The following ANO5 variants were observed in gnomAD, a reference collection of about 807,000 sequenced individuals.
ANO5 encodes the protein anoctamin 5.
In ANO5, 109 loss-of-function variants were observed where a neutral mutation model predicts 121.0. That is an observed-to-expected ratio of 0.90 (90% CI 0.77 to 1.06). The LOEUF (loss-of-function observed/expected upper bound fraction) is 1.06, where lower values mean the gene tolerates loss of function less well. Among genes scored for constraint, ANO5 ranks in the 50% least tolerant of loss-of-function variants. ANO5 has a pLI of 0.00. For missense variants in ANO5, 1,064 were observed against 1,078.5 expected, an observed-to-expected ratio of 0.99 and a Z score of 0.19; for synonymous variants, 406 against 359.9, an observed-to-expected ratio of 1.13 and a Z score of -1.45.
At chr11:22,256,890 T>A (rs1044351041) in intron 13 of ANO5, among the ~76,000 whole-genome samples, 2 of 152,162 alleles carry the variant, frequency 1.3e-5, no homozygotes, top group Non-Finnish European at 2.9e-5. Context: ...GGTGCACACA[T>A]GAACACACAT....
At chr11:22,241,443 G>A (rs927161142) in intron 9 of ANO5, among the ~76,000 whole-genome samples, 2 of 151,918 alleles carry the variant, frequency 1.3e-5, no homozygotes, top group Non-Finnish European at 2.9e-5. Flanking sequence ...TGGCAGCTCT[G>A]TTTTAAGTTC....
At chr11:22,212,157 AC>A (rs1322921109) in intron 3 of ANO5, among the ~76,000 whole-genome samples, 1 of 151,904 alleles carries the variant, frequency 6.6e-6, no homozygotes, top group Non-Finnish European at 1.5e-5. Flanking sequence ...AAAATATTTT[AC>A]CACGAGAACA....
intron 1 of ANO5, among the ~76,000 whole-genome samples, chr11:22,197,639 G>A (rs775555310): frequency 6.6e-6 from 1 of 152,186 alleles, no homozygotes; most frequent in African/African-American, 2.4e-5. Flanking sequence ...GCTAGTAAGA[G>A]TGTAAACTGA....
intron 12 of ANO5, among the ~76,000 whole-genome samples, chr11:22,253,927 T>C (rs916758074): frequency 1.3e-5 from 2 of 152,180 alleles, no homozygotes; most frequent in Non-Finnish European, 2.9e-5. Flanking sequence ...TACTAATCAA[T>C]AAGCATACTT....
chr11:22,206,209 T>C (rs925131644), intron 2 of ANO5, among the ~76,000 whole-genome samples: 1 of 152,094 alleles, frequency 6.6e-6, no homozygotes, highest in Non-Finnish European at 1.5e-5. Flanking sequence ...TGTACATAGA[T>C]ACAAAAATCC....
chr11:22,217,160 T>C (rs1172557577), intron 3 of ANO5, among the ~76,000 whole-genome samples: 1 of 152,028 alleles, frequency 6.6e-6, no homozygotes, highest in Non-Finnish European at 1.5e-5. Flanking sequence ...AGTCACCAGT[T>C]GCTTAGACTT....
At chr11:22,250,465 T>C in intron 10 of ANO5, 94 bp downstream of exon 10, 6 of 1,523,124 alleles carry the variant, frequency 3.9e-6, no homozygotes, top group Non-Finnish European at 3.6e-6. Flanking sequence ...TCCTTCAGAA[T>C]GTTTCCTTAT....
In ANO5 at chr11:22,283,001, A is replaced by C. The variant is rs1855134307; in HGVS notation, c.*3236A>C. Reference sequence around the variant, plus strand: ...TACTGTGTTATTCTTTTTCTAGACAAATTTTGACTCTTCTACTTTTATGTG... The same window carrying C: ...TACTGTGTTATTCTTTTTCTAGACACATTTTGACTCTTCTACTTTTATGTG... On this transcript the variant is annotated 3_prime_UTR_variant, in exon 22 of 22. Coordinates refer to ENST00000324559, the MANE Select transcript of ANO5 (RefSeq NM_213599.3). 6.6e-6 allele frequency: 1 copy of C among 152,216 alleles called. No homozygotes were observed. The highest frequency in any genetic ancestry group is 1.5e-5 in the Non-Finnish European group (1 of 68,034). 9.4% of individuals were successfully genotyped at this position (152,216 alleles called of 1,614,324 possible). A position where few individuals can be genotyped will look rare whatever the true frequency, so the allele number is the denominator to read the frequency against.
intron 8 of ANO5, among the ~76,000 whole-genome samples, chr11:22,236,669 A>G (rs563567856): frequency 1.3e-5 from 2 of 152,314 alleles, no homozygotes; most frequent in South Asian, 4.1e-4. Context: ...TCACATATTC[A>G]TTCATCAAAT....
chr11:22,197,547 G>A (rs1022926319), intron 1 of ANO5, among the ~76,000 whole-genome samples: 19 of 152,104 alleles, frequency 1.2e-4, no homozygotes, highest in East Asian at 1.9e-4. Flanking sequence ...GCATCTTTAC[G>A]GCTATGTTAA....
At chr11:22,199,916 T>C (rs972220878) in intron 1 of ANO5, among the ~76,000 whole-genome samples, 7 of 152,140 alleles carry the variant, frequency 4.6e-5, no homozygotes, top group Middle Eastern at 3.2e-3. Context: ...TAATGTAGAA[T>C]TTGAAACCAT....
intron 3 of ANO5, among the ~76,000 whole-genome samples, chr11:22,216,247 T>C (rs1479303473): frequency 6.6e-6 from 1 of 151,880 alleles, no homozygotes; most frequent in Non-Finnish European, 1.5e-5. Flanking sequence ...AGGTGTAACT[T>C]TATGTAAAAC....
At chr11:22,273,472 G>A (rs578221292) in intron 19 of ANO5, among the ~76,000 whole-genome samples, 1 of 152,162 alleles carries the variant, frequency 6.6e-6, no homozygotes, top group African/African-American at 2.4e-5. Flanking sequence ...ACACTTTTAA[G>A]TAGGCATCCT....
intron 9 of ANO5, among the ~76,000 whole-genome samples, chr11:22,240,790 T>G (rs1317172508): frequency 7.8e-6 from 1 of 128,026 alleles, no homozygotes. Flanking sequence ...TTTGTGTTCC[T>G]GCATAAAAAA....
Position 22,257,665 on chromosome 11 carries a change from T to G in ANO5, c.1333-15T>G. ...GGAGATTTTGAATTTCTTTGTGATT[T>G]CTTCAATATTACAGGAGATGGAACC... On this transcript the variant is annotated splice_polypyrimidine_tract_variant and intron_variant, in intron 13 of 21. Transcript: ENST00000324559. 9 of 1,594,186 alleles carry G rather than the reference T, an allele frequency of 5.6e-6. No homozygotes were observed. The highest frequency in any genetic ancestry group is 7.7e-6 in the Non-Finnish European group (9 of 1,162,184).
chr11:22,243,504 T>C (rs1461122923), intron 9 of ANO5, among the ~76,000 whole-genome samples: 1 of 152,004 alleles, frequency 6.6e-6, no homozygotes, highest in Non-Finnish European at 1.5e-5. Context: ...AAGTTCTTCT[T>C]TGTATTTCTA....
chr11:22,246,052 T>C (rs1853604735), intron 9 of ANO5, among the ~76,000 whole-genome samples: 3 of 152,168 alleles, frequency 2.0e-5, no homozygotes, highest in Admixed American at 2.0e-4. Context: ...CTGCGCAGCC[T>C]ATTTCTTTCA....
rs867267676 is a variant in ANO5, at chr11:22,227,404, A to G, written c.466A>G (p.Ser156Gly). The G allele has an allele frequency of 6.2e-7, 1 of 1,613,468 alleles. No individual in the cohort carries two copies. Among genetic ancestry groups the G allele is most frequent in the Middle Eastern group, 1.7e-4 (1 of 6,058 alleles). ...GGGAATCAAAATGCCTATTAAGGAGAGTGATATTCCCCGCCCTAAGCACAC... is the reference window on the plus strand; with the variant it reads ...GGGAATCAAAATGCCTATTAAGGAGGGTGATATTCCCCGCCCTAAGCACAC... The part of the protein sequence containing the change: ...VLGIKMPIKE[S>G]DIPRPKHTPI... Residue 156 changes from serine to glycine, a missense_variant, in exon 7 of 22, where the codon AGT becomes GGT. Ser to Gly is a moderately conservative substitution (Grantham distance 56, BLOSUM62 0). Transcript: ENST00000324559.
At chr11:22,264,013 A>T (rs1276714553) in intron 17 of ANO5, among the ~76,000 whole-genome samples, 1 of 139,534 alleles carries the variant, frequency 7.2e-6, no homozygotes, top group Non-Finnish European at 1.5e-5. Context: ...CCATAAGGGA[A>T]ATAGCCAAAC....
Sources: gnomAD v4.1 joint callset for allele counts (sites outside exome capture counted in the v4.1 genomes callset) on GRCh38, gnomAD v4.1.1 for gene constraint, MANE v1.5 for transcripts, NCBI Gene and HGNC (gene_info 2026-07-23, HGNC 2026-07-21) for gene names.